PKD1L3: variants seen among roughly 807,000 people sequenced by gnomAD.
The protein encoded by PKD1L3 is polycystin 1 like 3, transient receptor potential channel interacting, also known as polycystin-1-like protein 3.
In PKD1L3, 239 loss-of-function variants were observed where a neutral mutation model predicts 184.1. The observed-to-expected ratio is 1.30, with a 90% CI of 1.17 to 1.45. PKD1L3 has a LOEUF of 1.45. Among genes scored for constraint, PKD1L3 ranks in the 40% most tolerant of loss-of-function variants. PKD1L3 has a pLI of 0.00. For synonymous variants in PKD1L3, 996 were observed against 778.8 expected, an observed-to-expected ratio of 1.28 and a Z score of -4.64; for missense variants, 2,660 against 2,067.2, an observed-to-expected ratio of 1.29 and a Z score of -5.56.
chr16:71,956,155 G>A (rs2143444279), intron 16 of PKD1L3, among the ~76,000 whole-genome samples: 1 of 149,066 alleles, frequency 6.7e-6, no homozygotes, highest in East Asian at 2.0e-4. Context: ...ACTGCACCTG[G>A]CCCATCATTT....
chr16:71,950,702 G>T (rs184880871), intron 19 of PKD1L3, among the ~76,000 whole-genome samples: 1 of 151,200 alleles, frequency 6.6e-6, no homozygotes, highest in Admixed American at 6.6e-5. Flanking sequence ...AGGATATGTG[G>T]GTATAATACA....
intron 7 of PKD1L3, among the ~76,000 whole-genome samples, chr16:71,980,725 C>A (rs577041350): frequency 1.3e-5 from 2 of 152,256 alleles, no homozygotes; most frequent in East Asian, 3.9e-4. Flanking sequence ...GTCTCAGCTA[C>A]TTGGGAGGCT....
chr16:71,990,224 A>C, intron 4 of PKD1L3, 56 bp downstream of exon 4: 1 of 1,377,378 alleles, frequency 7.3e-7, no homozygotes, highest in Non-Finnish European at 1.0e-6. Context: ...CAGATCTACT[A>C]GGTATGACAA....
At chr16:71,950,736 TC>T (rs2038797333) in intron 19 of PKD1L3, among the ~76,000 whole-genome samples, 5 of 70,320 alleles carry the variant, frequency 7.1e-5, no homozygotes, top group African/African-American at 3.3e-4. Flanking sequence ...TGTATTTCTC[TC>T]TTTTTTTTTT....
Position 71,979,469 on chromosome 16 carries a change from GACAAAACAAA to G in PKD1L3, c.1398+307_1398+316del, listed in dbSNP as rs1555524084. ...AACAAAACAAAACAAAACAAAACAAGACAAAACAAAACAAAACAAAACAAGAAAACAAAAA... is the reference window on the plus strand; with the variant it reads ...AACAAAACAAAACAAAACAAAACAAGACAAAACAAAACAAGAAAACAAAAA... On this transcript the variant is annotated intron_variant, in intron 9 of 29. Transcript: ENST00000620267. 6.6e-5 allele frequency among the ~76,000 whole-genome samples: 8 copies of G among 121,354 alleles called. No individual in the cohort carries two copies. The South Asian group carries it at 2.8e-3, about 43-fold the overall frequency. 79.6% of individuals were successfully genotyped at this position (121,354 alleles called of 152,430 possible).
chr16:71,957,095 C>T (rs190485210), intron 16 of PKD1L3, among the ~76,000 whole-genome samples: 1 of 152,098 alleles, frequency 6.6e-6, no homozygotes, highest in East Asian at 1.9e-4. Flanking sequence ...TAATTATAAT[C>T]CCCAGGGGAG....
intron 9 of PKD1L3, 137 bp from the exon 10 acceptor site, chr16:71,978,520 TAC>T (rs1287668722): frequency 0.04 from 4,630 of 116,296 alleles, 221 homozygotes; most frequent in African/African-American, 0.12. Context: ...TATATATATA[TAC>T]ATACATACAT....
At chr16:71,955,070 A>G (rs1328586087) in intron 16 of PKD1L3, among the ~76,000 whole-genome samples, 1 of 152,210 alleles carries the variant, frequency 6.6e-6, no homozygotes, top group Non-Finnish European at 1.5e-5. Context: ...ATGACCAGGA[A>G]CTAAGTCAAG....
At position 71,999,758 on chromosome 16, in the gene PKD1L3, A is replaced by G. The variant is rs1195250520; in HGVS notation, c.221T>C (p.Leu74Pro). The change falls in exon 1 of 30, where the codon CTG becomes CCG. Residue 74 changes from leucine to proline, a missense_variant. By Grantham distance (98) the Leu-to-Pro change is moderately conservative. Coordinates refer to ENST00000620267, the MANE Select transcript of PKD1L3 (RefSeq NM_181536.2). ...KEVQDLIRDY[L>P]EEGKKWWIGQ... ...AATCCACCACTTCTTTCCTTCTTCC[A>G]GATAGTCCCGGATGAGATCTTGAAC... 1 of 1,551,814 alleles carries G rather than the reference A, an allele frequency of 6.4e-7. No individual in the cohort carries two copies. The highest frequency in any genetic ancestry group is 1.2e-5 in the South Asian group (1 of 84,062).
Position 71,993,267 on chromosome 16 carries a change from G to C in PKD1L3, c.484C>G (p.His162Asp), listed in dbSNP as rs1436094154. The change falls in exon 3 of 30, where the codon CAC becomes GAC. Residue 162 changes from histidine (H) to aspartate (D), a missense_variant. Transcript: ENST00000620267. ...NGNNSHLYQR[H>D]KKTKRGVAIA... ...GCAACTCCTCTTTTTGTCTTCTTGTGTCTCTGGTACAAATGGGAATTATTT... is the reference window on the plus strand; with the variant it reads ...GCAACTCCTCTTTTTGTCTTCTTGTCTCTCTGGTACAAATGGGAATTATTT... 1.9e-6 allele frequency: 3 copies of C among 1,550,260 alleles called. No homozygotes were observed. Among genetic ancestry groups the C allele is most frequent in the African/African-American group, 1.4e-5 (1 of 72,832 alleles).
chr16:71,976,195 G>A (rs1010335244), intron 11 of PKD1L3, among the ~76,000 whole-genome samples: 2 of 149,278 alleles, frequency 1.3e-5, no homozygotes, highest in African/African-American at 4.9e-5. Context: ...TGATCCACCT[G>A]CCTCTGCCTC....
Position 71,947,493 on chromosome 16 carries a change from C to A in PKD1L3, c.3717G>T (p.Leu1239Phe), listed in dbSNP as rs2143313042. 1 of 1,523,736 alleles carries A rather than the reference C, an allele frequency of 6.6e-7. No homozygotes were observed. Among genetic ancestry groups the A allele is most frequent in the South Asian group, 1.2e-5 (1 of 83,384 alleles). 94.4% of individuals were successfully genotyped at this position (1,523,736 alleles called of 1,614,324 possible). A position where few individuals can be genotyped will look rare whatever the true frequency, so the allele number is the denominator to read the frequency against. The stretch of plus-strand genomic sequence containing the variant: ...AGTTGTTAGAACTACTTGAGTTACC[C>A]AAGAGTGCCAAGATCCTCTTTGTTT... ...EQQTKRILAL[L>F]AKCSSSVPGS... Residue 1239 changes from leucine to phenylalanine, a missense_variant and splice_region_variant, in exon 22 of 30, where the codon TTG (leucine) becomes TTT (phenylalanine). Physicochemically the swap from Leu to Phe is conservative, Grantham distance 22. Transcript: ENST00000620267.
intron 11 of PKD1L3, among the ~76,000 whole-genome samples, chr16:71,974,660 G>A (rs1022598682): frequency 1.3e-5 from 2 of 152,146 alleles, no homozygotes; most frequent in African/African-American, 4.8e-5. Context: ...CTCCACCCTG[G>A]GCGACACAGT....
Position 71,929,629 on chromosome 16 carries a change from A to C in PKD1L3, c.5108T>G (p.Leu1703Ter). 1.3e-6 allele frequency: 2 copies of C among 1,551,682 alleles called. No individual in the cohort carries two copies. Among genetic ancestry groups the C allele is most frequent in the Non-Finnish European group, 8.7e-7 (1 of 1,146,804 alleles). Residue 1703 changes from leucine (L) to a stop codon, truncating the protein, a stop_gained, in exon 30 of 30, where the codon TTA becomes TGA. Transcript: ENST00000620267. LOFTEE classifies it low-confidence loss of function (END_TRUNC). ...DTLLQKLSNLLGISWPQKTSS... is the reference protein window; with the variant it reads ...DTLLQKLSNL ...GGTTTTTTGGGGCCAACTGATTCCT[A>C]ACAAATTTGAGAGCTTCTGTAGCAG...
intron 24 of PKD1L3, among the ~76,000 whole-genome samples, chr16:71,941,951 G>A (rs1037340577): frequency 1.3e-5 from 2 of 151,952 alleles, no homozygotes. Flanking sequence ...GTTGGGGACT[G>A]GGAATCAGCA....
At position 71,937,406 on chromosome 16, in the gene PKD1L3, G is replaced by A. The variant is rs1273204178; in HGVS notation, c.4338C>T (p.Thr1446=). The A allele has an allele frequency of 6.4e-7, 1 of 1,551,510 alleles. No homozygotes were observed. Among genetic ancestry groups the A allele is most frequent in the South Asian group, 1.2e-5 (1 of 84,020 alleles). ...FSYIMRGAFF[T]SLRLESFTSL... ...AAGTGAAGCTTTCCAGTCTCAAAGA[G>A]GTGAAGAAAGCACCTGAGAATAACA... The change falls in exon 25 of 30, where the codon ACC becomes ACT. Residue 1446 remains threonine, a synonymous_variant. Transcript: ENST00000620267.
At chr16:71,958,663 C>A (rs2143476339) in intron 16 of PKD1L3, among the ~76,000 whole-genome samples, 1 of 150,156 alleles carries the variant, frequency 6.7e-6, no homozygotes, top group East Asian at 2.0e-4. Flanking sequence ...CGCCTGTAAT[C>A]CCAGCTACTC....
At chr16:71,987,924 A>G (rs1448097915) in intron 4 of PKD1L3, among the ~76,000 whole-genome samples, 5 of 152,174 alleles carry the variant, frequency 3.3e-5, no homozygotes, top group African/African-American at 1.2e-4. Context: ...GAGGAAGACC[A>G]AGGAAGCTAG....
At chr16:71,951,056 T>G (rs758697852) in intron 19 of PKD1L3, among the ~76,000 whole-genome samples, 29 of 151,930 alleles carry the variant, frequency 1.9e-4, no homozygotes, top group Non-Finnish European at 3.4e-4. Flanking sequence ...GTTTTTTTCT[T>G]TTTTCAAGAC....
Sources: gnomAD v4.1 joint callset for allele counts (sites outside exome capture counted in the v4.1 genomes callset) on GRCh38, gnomAD v4.1.1 for gene constraint, MANE v1.5 for transcripts, NCBI Gene and HGNC (gene_info 2026-07-23, HGNC 2026-07-21) for gene names.